COL6A1: variants seen among roughly 807,000 people sequenced by gnomAD.
COL6A1 encodes the protein collagen type VI alpha 1 chain, also known as collagen alpha-1(VI) chain.
Under a neutral mutation model 145.6 loss-of-function variants are expected in COL6A1, and 80 were observed. The observed-to-expected ratio is 0.55, with a 90% CI of 0.46 to 0.66. The LOEUF (loss-of-function observed/expected upper bound fraction) is 0.66, where lower values mean the gene tolerates loss of function less well. COL6A1 is among the 30% of genes least tolerant of loss of function. The pLI, the probability that COL6A1 is intolerant of heterozygous loss-of-function variation, is 0.00. For synonymous variants in COL6A1, 638 were observed against 622.8 expected, an observed-to-expected ratio of 1.02 and a Z score of -0.36; for missense variants, 1,364 against 1,473.8, an observed-to-expected ratio of 0.93 and a Z score of 1.22.
chr21:46,003,689 C>T lies in COL6A1; in HGVS notation c.2763C>T (p.Gly921=). 1 of 1,613,092 alleles carries T rather than the reference C, an allele frequency of 6.2e-7. No individual in the cohort carries two copies. The change falls in exon 35 of 35, where the codon GGC becomes GGT. Residue 921 remains glycine (G), a synonymous_variant. Transcript: ENST00000361866. ...NDATDVNDAL[G]YVTRFYREAS... is the part of the protein sequence containing the mutation. ...CCACCGACGTCAACGATGCCCTGGG[C>T]TATGTGACCCGCTTCTACCGCGAGG...
chr21:45,992,684 C>T (rs2077783472), intron 18 of COL6A1, 64 bp from the exon 19 acceptor site: 8 of 1,494,958 alleles, frequency 5.4e-6, no homozygotes, highest in Non-Finnish European at 7.3e-6. Flanking sequence ...GGCCTCAAGC[C>T]CCACCCCAGC....
chr21:46,002,440 G>C (rs1385175670), intron 32 of COL6A1, 39 bp downstream of exon 32: 1 of 1,612,504 alleles, frequency 6.2e-7, no homozygotes, highest in East Asian at 2.2e-5. Flanking sequence ...GCCCCGCCTA[G>C]GGCGCCCCGC....
In COL6A1 at chr21:46,004,170, C is replaced by T. The variant is rs774144394; in HGVS notation, c.*157C>T. 2.9e-5 allele frequency: 30 copies of T among 1,048,112 alleles called. No individual in the cohort carries two copies. The highest frequency in any genetic ancestry group is 4.1e-5 in the Non-Finnish European group (30 of 724,028). 64.9% of individuals were successfully genotyped at this position (1,048,112 alleles called of 1,614,324 possible). ...AGCCAGGACACAACGCTGCTGCCTG[C>T]TTTGTGCAGGGTCCTCCGGGGCTCA... On this transcript the variant is annotated 3_prime_UTR_variant, in exon 35 of 35. Transcript: ENST00000361866.
At chr21:45,995,317 G>A (rs559494126) in intron 20 of COL6A1, among the ~76,000 whole-genome samples, 7 of 152,348 alleles carry the variant, frequency 4.6e-5, no homozygotes, top group South Asian at 2.1e-4. Context: ...AGCTCCCGGG[G>A]CTCCAGCCCT....
At chr21:46,002,172 C>A (rs199513266) in intron 31 of COL6A1, 46 bp from the exon 32 acceptor site, 1 of 1,572,714 alleles carries the variant, frequency 6.4e-7, no homozygotes, top group African/African-American at 1.3e-5. Context: ...CTCGGCCCCG[C>A]GGCAGGCCTG....
In COL6A1 at chr21:45,999,704, T is replaced by G. The variant is rs1428976352; in HGVS notation, c.1776+12T>G. The G allele has an allele frequency of 6.8e-6, 11 of 1,611,536 alleles. No individual in the cohort carries two copies. The highest frequency in any genetic ancestry group is 2.2e-5 in the South Asian group (2 of 90,690). ...CGCCTGGGCCGGACGTAAGTGGGGC[T>G]CTGTGAACATTGCTGGGGGCGACCA... is the stretch of plus-strand genomic sequence containing the variant. On this transcript the variant is annotated intron_variant, in intron 27 of 34. Coordinates refer to ENST00000361866, the MANE Select transcript of COL6A1 (RefSeq NM_001848.3).
intron 3 of COL6A1, among the ~76,000 whole-genome samples, chr21:45,985,265 GAT>G (rs1018323806): frequency 7.9e-5 from 12 of 151,292 alleles, no homozygotes; most frequent in African/African-American, 2.7e-4. Flanking sequence ...GAAATAGAGA[GAT>G]AGAGACAGAG....
intron 27 of COL6A1, among the ~76,000 whole-genome samples, chr21:46,000,015 A>G (rs368245800): frequency 0.029 from 45 of 1,540 alleles, no homozygotes; most frequent in East Asian, 0.086. Context: ...ACCCGTGAGG[A>G]TCATGGGGGA....
chr21:45,993,239 A>G (rs2077786721), intron 19 of COL6A1, among the ~76,000 whole-genome samples: 1 of 152,172 alleles, frequency 6.6e-6, no homozygotes, highest in Admixed American at 6.5e-5. Flanking sequence ...GCGGCCTCAG[A>G]GGCCACCCCC....
At chr21:45,997,244 G>A (rs926042267) in intron 20 of COL6A1, among the ~76,000 whole-genome samples, 177 bp from the exon 21 acceptor site, 2 of 65,744 alleles carry the variant, frequency 3.0e-5, no homozygotes, top group African/African-American at 4.7e-5. Context: ...CAGGCCCTTC[G>A]TGCAGGCCCT....
At chr21:46,000,869 C>G in intron 29 of COL6A1, 102 bp downstream of exon 29, 3 of 1,427,688 alleles carry the variant, frequency 2.1e-6, no homozygotes, top group Non-Finnish European at 3.0e-6. Flanking sequence ...CACTCTGGTC[C>G]CCGCCCGCAG....
chr21:46,003,813 C>G lies in COL6A1; in HGVS notation c.2887C>G (p.Gln963Glu). The G allele has an allele frequency of 6.2e-7, 1 of 1,606,872 alleles. No homozygotes were observed. Among genetic ancestry groups the G allele is most frequent in the Non-Finnish European group, 8.5e-7 (1 of 1,174,990 alleles). ...CATCGAGAAGGCCGTGCAGGAAGCC[C>G]AGCGGGCAGGCATCGAGATCTTCGT... ...AAIEKAVQEA[Q>E]RAGIEIFVVV... Residue 963 changes from glutamine to glutamate, a missense_variant, in exon 35 of 35, where the codon CAG becomes GAG. Coordinates refer to ENST00000361866, the MANE Select transcript of COL6A1 (RefSeq NM_001848.3).
In COL6A1 at chr21:46,002,713, G is replaced by A. The variant is rs778074242; in HGVS notation, c.2434+3G>A. ...TGTCACCGCCCAGATCTGCATAGGT[G>A]CGCATGGGGCCACCCGGGCAGTCCC... On this transcript the variant is annotated splice_donor_region_variant and intron_variant, in intron 33 of 34. Transcript: ENST00000361866. 3.7e-6 allele frequency: 6 copies of A among 1,611,500 alleles called. No individual in the cohort carries two copies. The highest frequency in any genetic ancestry group is 5.1e-6 in the Non-Finnish European group (6 of 1,178,998).
intron 3 of COL6A1, among the ~76,000 whole-genome samples, chr21:45,986,266 G>A (rs2077738315): frequency 6.6e-6 from 1 of 152,202 alleles, no homozygotes; most frequent in African/African-American, 2.4e-5. Flanking sequence ...GGGCACCCCA[G>A]GAACCGAGCC....
Position 45,986,531 on chromosome 21 carries a change from C to T in COL6A1, c.434C>T (p.Ser145Phe), listed in dbSNP as rs781164042. ...CGCTGCCCTCTCCTGTCCAGGGGCT[C>T]CCACCTGAAGGAGAATAAGTACCTG... ...KGLEQLLVGGSHLKENKYLIV... is the reference protein window; with the variant it reads ...KGLEQLLVGGFHLKENKYLIV... Residue 145 changes from serine (S) to phenylalanine (F), a missense_variant, in exon 4 of 35, where the codon TCC becomes TTC. By Grantham distance (155) the Ser-to-Phe change is radical. Coordinates refer to ENST00000361866, the MANE Select transcript of COL6A1 (RefSeq NM_001848.3). 9 of 1,559,076 alleles carry T rather than the reference C, an allele frequency of 5.8e-6. No homozygotes were observed. Among genetic ancestry groups the T allele is most frequent in the Non-Finnish European group, 5.2e-6 (6 of 1,151,622 alleles).
chr21:45,989,682 C>G, intron 10 of COL6A1, 30 bp downstream of exon 10: 7 of 1,613,130 alleles, frequency 4.3e-6, no homozygotes, highest in Non-Finnish European at 5.9e-6. Context: ...TGGCCCGAGC[C>G]CGGTGGTGCC....
intron 20 of COL6A1, among the ~76,000 whole-genome samples, chr21:45,997,141 C>A (rs1035574536): frequency 1.6e-5 from 2 of 128,734 alleles, no homozygotes; most frequent in Non-Finnish European, 3.7e-5. Context: ...ACCAGCCGGG[C>A]GCCCACCAAA....
intron 8 of COL6A1, among the ~76,000 whole-genome samples, chr21:45,988,727 C>G (rs554495166): frequency 6.6e-6 from 1 of 152,158 alleles, no homozygotes; most frequent in Non-Finnish European, 1.5e-5. Context: ...GCTCATGGAC[C>G]TCAGATTTCT....
intron 3 of COL6A1, among the ~76,000 whole-genome samples, chr21:45,985,877 G>A (rs549930426): frequency 6.6e-6 from 1 of 152,216 alleles, no homozygotes; most frequent in Non-Finnish European, 1.5e-5. Context: ...GAAGTCGTCC[G>A]CTGTCTGCAG....
Sources: allele counts gnomAD v4.1 joint callset (sites outside exome capture counted in the v4.1 genomes callset), GRCh38; gene constraint gnomAD v4.1.1; transcripts MANE v1.5; gene names NCBI Gene and HGNC (gene_info 2026-07-23, HGNC 2026-07-21).